TRPC4: variants seen among roughly 807,000 people sequenced by gnomAD.
TRPC4 encodes transient receptor potential cation channel subfamily C member 4.
In TRPC4, 49 loss-of-function variants were observed where a neutral mutation model predicts 99.4. That is an observed-to-expected ratio of 0.49 (90% CI 0.39 to 0.63). The LOEUF (loss-of-function observed/expected upper bound fraction) is 0.63. Among genes scored for constraint, TRPC4 ranks in the 20% least tolerant of loss-of-function variants. TRPC4 has a pLI of 0.00. For missense variants in TRPC4, 898 were observed against 1,152.9 expected, an observed-to-expected ratio of 0.78 and a Z score of 3.20; for synonymous variants, 454 against 425.9, an observed-to-expected ratio of 1.07 and a Z score of -0.81.
At chr13:37,750,693 G>A (rs913325140) in intron 2 of TRPC4, among the ~76,000 whole-genome samples, 4 of 152,048 alleles carry the variant, frequency 2.6e-5, no homozygotes. Context: ...TACATGTGCA[G>A]AATGTGCAGG....
At position 37,838,292 on chromosome 13, in the gene TRPC4, G is replaced by C. The variant is rs188235299; in HGVS notation, c.-28+31303C>G. Among the ~76,000 whole-genome samples, 474 of 152,232 alleles carry C rather than the reference G, an allele frequency of 3.1e-3. 3 individuals carry two copies. The highest frequency in any genetic ancestry group is 0.011 in the African/African-American group (453 of 41,526). ...CAGATCAGCAGTATCTGTGTCACCT[G>C]GGAACTTATTAGGAATGCAAATTCA... is the stretch of plus-strand genomic sequence containing the variant. On this transcript the variant is annotated intron_variant, in intron 1 of 10. Coordinates refer to ENST00000379705, the MANE Select transcript of TRPC4 (RefSeq NM_016179.4).
intron 2 of TRPC4, among the ~76,000 whole-genome samples, chr13:37,746,990 A>C (rs1955805441): frequency 6.6e-6 from 1 of 152,118 alleles, no homozygotes; most frequent in African/African-American, 2.4e-5. Context: ...GTGGCAGCAA[A>C]AATAAGTGGG....
chr13:37,706,870 G>T (rs1304620432), intron 3 of TRPC4, among the ~76,000 whole-genome samples: 1 of 152,064 alleles, frequency 6.6e-6, no homozygotes, highest in Admixed American at 6.6e-5. Flanking sequence ...TATTCTACAG[G>T]AACTGATGAA....
At chr13:37,812,993 A>G (rs1432693263) in intron 1 of TRPC4, among the ~76,000 whole-genome samples, 1 of 151,954 alleles carries the variant, frequency 6.6e-6, no homozygotes, top group Admixed American at 6.6e-5. Flanking sequence ...CAGCAACTCT[A>G]AAATATTGAA....
chr13:37,779,528 CCTGCATCTTTTCATTACATG>C (rs1233175703), intron 2 of TRPC4, among the ~76,000 whole-genome samples: 13 of 151,830 alleles, frequency 8.6e-5, no homozygotes, highest in Admixed American at 2.6e-4. Flanking sequence ...TCTGGAAAGA[CCTGCATCTTTTCATTACATG>C]CTGCATTGAG....
At chr13:37,671,287 A>G (rs1190829708) in intron 5 of TRPC4, among the ~76,000 whole-genome samples, 1 of 152,202 alleles carries the variant, frequency 6.6e-6, no homozygotes, top group Admixed American at 6.5e-5. Context: ...GAATGATAGA[A>G]CAAATGTAAG....
At chr13:37,865,567 C>CT (rs1302378562) in intron 1 of TRPC4, among the ~76,000 whole-genome samples, 3 of 151,660 alleles carry the variant, frequency 2.0e-5, no homozygotes, top group Non-Finnish European at 4.4e-5. Context: ...ACTGATGGAA[C>CT]TTTAACAGAC....
intron 3 of TRPC4, among the ~76,000 whole-genome samples, chr13:37,719,638 T>C (rs942854219): frequency 6.6e-6 from 1 of 152,180 alleles, no homozygotes; most frequent in Non-Finnish European, 1.5e-5. Flanking sequence ...GGAATGTATA[T>C]GTCAACTACA....
At chr13:37,787,683 A>G (rs116650422) in intron 1 of TRPC4, among the ~76,000 whole-genome samples, 1,859 of 152,168 alleles carry the variant, frequency 0.012, 46 homozygotes, top group African/African-American at 0.042. Context: ...GAACTACTAA[A>G]TTTCTTTGAG....
At chr13:37,662,472 GTAGAAT>G (rs1952480280) in intron 6 of TRPC4, among the ~76,000 whole-genome samples, 1 of 152,166 alleles carries the variant, frequency 6.6e-6, no homozygotes, top group Non-Finnish European at 1.5e-5. Context: ...TAAAACAGAT[GTAGAAT>G]TAGACCAACA....
At chr13:37,865,267 C>T (rs1380503847) in intron 1 of TRPC4, among the ~76,000 whole-genome samples, 4 of 151,444 alleles carry the variant, frequency 2.6e-5, no homozygotes, top group African/African-American at 9.7e-5. Context: ...TTTTACATAA[C>T]ATTGATAAGA....
intron 6 of TRPC4, among the ~76,000 whole-genome samples, chr13:37,658,070 G>C (rs2138658147): frequency 6.6e-6 from 1 of 152,220 alleles, no homozygotes; most frequent in South Asian, 2.1e-4. Context: ...AAATGTTTTT[G>C]TCATTAGTAA....
chr13:37,792,682 A>G (rs779668208), intron 1 of TRPC4, among the ~76,000 whole-genome samples: 2 of 151,424 alleles, frequency 1.3e-5, no homozygotes, highest in Admixed American at 6.6e-5. Context: ...TCCCACCACA[A>G]TCAGATCCTG....
intron 7 of TRPC4, among the ~76,000 whole-genome samples, chr13:37,653,769 G>GTT (rs1484606589): frequency 6.6e-6 from 1 of 152,122 alleles, no homozygotes; most frequent in Non-Finnish European, 1.5e-5. Flanking sequence ...GACATTTAAT[G>GTT]TTTTAAAAGA....
intron 1 of TRPC4, among the ~76,000 whole-genome samples, chr13:37,822,536 T>C (rs941819643): frequency 5.3e-5 from 8 of 151,482 alleles, no homozygotes; most frequent in Admixed American, 5.3e-4. Flanking sequence ...TTTTTTGTTC[T>C]TGTGATAGTT....
intron 10 of TRPC4, 137 bp downstream of exon 10, chr13:37,638,903 G>C: frequency 1.2e-6 from 1 of 809,140 alleles, no homozygotes; most frequent in Non-Finnish European, 2.0e-6. Context: ...GTTCTGTAGG[G>C]TTTCAGCTGA....
intron 3 of TRPC4, among the ~76,000 whole-genome samples, chr13:37,709,494 T>C (rs1414891342): frequency 1.3e-5 from 2 of 151,970 alleles, no homozygotes; most frequent in African/African-American, 4.8e-5. Flanking sequence ...TTGAAACAAA[T>C]AGGGAATGAT....
chr13:37,818,973 C>A (rs939358524), intron 1 of TRPC4, among the ~76,000 whole-genome samples: 1 of 150,762 alleles, frequency 6.6e-6, no homozygotes, highest in African/African-American at 2.4e-5. Context: ...ATGTGGCCAA[C>A]AAGCATATGA....
At chr13:37,751,408 GAGAA>G (rs35963071) in intron 2 of TRPC4, among the ~76,000 whole-genome samples, 4 of 151,826 alleles carry the variant, frequency 2.6e-5, no homozygotes, top group East Asian at 3.9e-4. Flanking sequence ...GAGAGAGAGA[GAGAA>G]AGAAAGAGAG....
Sources: gnomAD v4.1 joint callset for allele counts (sites outside exome capture counted in the v4.1 genomes callset) on GRCh38, gnomAD v4.1.1 for gene constraint, MANE v1.5 for transcripts, NCBI Gene and HGNC (gene_info 2026-07-23, HGNC 2026-07-21) for gene names.